The following ZNF878 variants were observed in gnomAD, a reference collection of about 807,000 sequenced individuals.
The protein encoded by ZNF878 is zinc finger protein 878.
In ZNF878, 10 loss-of-function variants were observed where a neutral mutation model predicts 11.1. That is an observed-to-expected ratio of 0.90 (90% CI 0.56 to 1.53). The LOEUF (loss-of-function observed/expected upper bound fraction) is 1.53, where lower values mean the gene tolerates loss of function less well. Among genes scored for constraint, ZNF878 ranks in the 40% most tolerant of loss-of-function variants. The pLI is 0.00. For synonymous variants in ZNF878, 165 were observed against 209.7 expected (o/e 0.79, Z 1.84); for missense variants, 548 against 626.1 (o/e 0.88, Z 1.33).
At chr19:12,047,761 C>T (rs567720084) in intron 1 of ZNF878, among the ~76,000 whole-genome samples, 1 of 152,014 alleles carries the variant, frequency 6.6e-6, no homozygotes, top group South Asian at 2.1e-4. Flanking sequence ...AGTTCAAGAC[C>T]AGCATGATCA....
At chr19:12,046,478 T>A (rs1975489650) in intron 2 of ZNF878, 50 bp from the exon 3 acceptor site, 2 of 1,559,670 alleles carry the variant, frequency 1.3e-6, no homozygotes, top group East Asian at 4.5e-5. Flanking sequence ...AAAATTATTT[T>A]AAAAAGTTAC....
intron 3 of ZNF878, among the ~76,000 whole-genome samples, chr19:12,045,693 A>G (rs1975472995): frequency 6.6e-6 from 1 of 152,138 alleles, no homozygotes; most frequent in Non-Finnish European, 1.5e-5. Flanking sequence ...ATCAAAAAAG[A>G]TAATATTGAT....
At chr19:12,051,095 C>CAAAAAAAAAAA (rs370628123) in intron 1 of ZNF878, among the ~76,000 whole-genome samples, 6 of 37,104 alleles carry the variant, frequency 1.6e-4, no homozygotes, top group Non-Finnish European at 2.8e-4. Context: ...GACTCCGTCT[C>CAAAAAAAAAAA]AAAAAAAAAA....
chr19:12,052,854 C>T lies in ZNF878; in HGVS notation c.-53G>A. Reference sequence around the variant, plus strand: ...CTCTCTAAAGGTCCCGTGAACAGTGCAGGTCACAGCGCAGTCGACAGAGCA... The same window carrying T: ...CTCTCTAAAGGTCCCGTGAACAGTGTAGGTCACAGCGCAGTCGACAGAGCA... On this transcript the variant is annotated 5_prime_UTR_variant, in exon 1 of 4. Transcript: ENST00000547628. 1 of 1,534,694 alleles carries T rather than the reference C, an allele frequency of 6.5e-7. No homozygotes were observed. Among genetic ancestry groups the T allele is most frequent in the Non-Finnish European group, 8.7e-7 (1 of 1,146,234 alleles).
intron 1 of ZNF878, among the ~76,000 whole-genome samples, chr19:12,052,342 T>G (rs1975559792): frequency 6.6e-6 from 1 of 151,918 alleles, no homozygotes; most frequent in East Asian, 1.9e-4. Context: ...GGACTGGGAG[T>G]TTCTCATTCA....
At chr19:12,047,533 C>T (rs1311711607) in intron 1 of ZNF878, among the ~76,000 whole-genome samples, 1 of 151,562 alleles carries the variant, frequency 6.6e-6, no homozygotes, top group Non-Finnish European at 1.5e-5. Flanking sequence ...CACCACACTC[C>T]AGCCTGGGTG....
intron 1 of ZNF878, among the ~76,000 whole-genome samples, chr19:12,050,990 G>A (rs1010130090): frequency 6.6e-6 from 1 of 150,762 alleles, no homozygotes; most frequent in African/African-American, 2.4e-5. Context: ...CAGCTACTTG[G>A]GAGGCTGAGG....
chr19:12,044,100 A>G lies in ZNF878; in HGVS notation c.1301T>C (p.Val434Ala). 1.9e-6 allele frequency: 3 copies of G among 1,599,830 alleles called. No homozygotes were observed. Among genetic ancestry groups the G allele is most frequent in the Non-Finnish European group, 2.6e-6 (3 of 1,175,350 alleles). Residue 434 changes from valine to alanine, a missense_variant, in exon 4 of 4, where the codon GTT (valine) becomes GCT (alanine). Transcript: ENST00000547628. Reference sequence around the variant, plus strand: ...TTCATGCATTTTAAGTTGTGAGGCAACTCTAAAGACTTTACCACATTGCTT... The same window carrying G: ...TTCATGCATTTTAAGTTGTGAGGCAGCTCTAAAGACTTTACCACATTGCTT... ...GCKQCGKVFRVASQLKMHERT... is the reference protein window; with the variant it reads ...GCKQCGKVFRAASQLKMHERT...
chr19:12,051,212 C>G lies in ZNF878; in HGVS notation c.3+1587G>C, dbSNP rs185852388. On this transcript the variant is annotated intron_variant, in intron 1 of 3. Transcript: ENST00000547628. ...CGCCTGTAATCTGATACAGGAGAAT[C>G]GCTTGAACCGGGGAGGCGGAGGTTG... Among the ~76,000 whole-genome samples, 306 of 147,476 alleles carry G rather than the reference C, an allele frequency of 2.1e-3. 1 individual carries two copies. Among genetic ancestry groups the G allele is most frequent in the African/African-American group, 6.9e-3 (277 of 40,396 alleles).
At chr19:12,047,380 A>G (rs1055917185) in intron 1 of ZNF878, among the ~76,000 whole-genome samples, 4 of 151,914 alleles carry the variant, frequency 2.6e-5, no homozygotes, top group African/African-American at 4.8e-5. Flanking sequence ...CCTGGCCAAC[A>G]TGGCAAAACC....
intron 1 of ZNF878, among the ~76,000 whole-genome samples, chr19:12,051,602 T>C (rs1166210728): frequency 6.7e-6 from 1 of 148,618 alleles, no homozygotes; most frequent in Non-Finnish European, 1.5e-5. Context: ...TGAAACCCCG[T>C]CTCTACTAAA....
At chr19:12,049,647 G>A (rs532493580) in intron 1 of ZNF878, among the ~76,000 whole-genome samples, 58 of 151,610 alleles carry the variant, frequency 3.8e-4, no homozygotes, top group African/African-American at 1.3e-3. Context: ...GCGCATGCCT[G>A]TAATCCCAGC....
intron 1 of ZNF878, among the ~76,000 whole-genome samples, chr19:12,051,032 C>T (rs954430187): frequency 4.3e-5 from 6 of 141,124 alleles, no homozygotes; most frequent in African/African-American, 1.5e-4. Flanking sequence ...GGAGGCGGAG[C>T]TTGCAGTGAG....
chr19:12,052,204 G>C (rs1185176966), intron 1 of ZNF878, among the ~76,000 whole-genome samples: 1 of 152,112 alleles, frequency 6.6e-6, no homozygotes, highest in Non-Finnish European at 1.5e-5. Context: ...ACTGTCAGGA[G>C]CTGCCTCGGG....
At chr19:12,051,132 A>G (rs981298467) in intron 1 of ZNF878, among the ~76,000 whole-genome samples, 1 of 147,438 alleles carries the variant, frequency 6.8e-6, no homozygotes, top group African/African-American at 2.5e-5. Context: ...AAGAAAAGAA[A>G]TTAAAACCCC....
rs749955533 is a variant in ZNF878, at chr19:12,044,491, T to C, written c.910A>G (p.Lys304Glu). The C allele has an allele frequency of 2.5e-6, 4 of 1,613,854 alleles. No homozygotes were observed. The African/African-American group carries it at 5.3e-5, about 22-fold the overall frequency. Residue 304 changes from lysine (K) to glutamate (E), a missense_variant, in exon 4 of 4, where the codon AAA becomes GAA. Coordinates refer to ENST00000547628, the MANE Select transcript of ZNF878 (RefSeq NM_001080404.3). Reference sequence around the variant, plus strand: ...TCATAGGGTTTCTCTCCAGTGTGTTTTCTTTCATGTACTCGCAGGTACTTG... The same window carrying C: ...TCATAGGGTTTCTCTCCAGTGTGTTCTCTTTCATGTACTCGCAGGTACTTG... ...SVKYLRVHERKHTGEKPYECK... is the reference protein window; with the variant it reads ...SVKYLRVHEREHTGEKPYECK...
intron 1 of ZNF878, among the ~76,000 whole-genome samples, chr19:12,051,959 G>A (rs115373232): frequency 0.038 from 5,769 of 152,176 alleles, 391 homozygotes; most frequent in African/African-American, 0.13. Flanking sequence ...GGAAGGGGGC[G>A]GGGACTGGGA....
chr19:12,044,443 A>G lies in ZNF878; in HGVS notation c.958T>C (p.Phe320Leu). ...TAGCGAAAGGAAGTGGAAGAAATAA[A>G]TCCCTTACCACATAGCTTACACTCA... ...PYECKLCGKG[F>L]ISSTSFRYHE... is the part of the protein sequence containing the mutation. Residue 320 changes from phenylalanine to leucine, a missense_variant, in exon 4 of 4, where the codon TTT (phenylalanine) becomes CTT (leucine). Coordinates refer to ENST00000547628, the MANE Select transcript of ZNF878 (RefSeq NM_001080404.3). 6.2e-7 allele frequency: 1 copy of G among 1,613,912 alleles called. No homozygotes were observed. The highest frequency in any genetic ancestry group is 8.5e-7 in the Non-Finnish European group (1 of 1,179,948).
chr19:12,052,668 G>T, intron 1 of ZNF878, 131 bp downstream of exon 1: 1 of 1,151,466 alleles, frequency 8.7e-7, no homozygotes, highest in Non-Finnish European at 1.2e-6. Context: ...CGAGGGCCGA[G>T]CTGCGCTAGG....
Sources: gnomAD v4.1 joint callset for allele counts (sites outside exome capture counted in the v4.1 genomes callset) on GRCh38, gnomAD v4.1.1 for gene constraint, MANE v1.5 for transcripts, NCBI Gene and HGNC (gene_info 2026-07-23, HGNC 2026-07-21) for gene names.